The following ANO4 variants were observed in gnomAD, a reference collection of about 807,000 sequenced individuals.
The protein encoded by ANO4 is anoctamin 4.
In ANO4, 69 loss-of-function variants were observed where a neutral mutation model predicts 141.9. The ratio of observed to expected loss-of-function variants is 0.49; its 90% CI spans 0.40 to 0.59. The LOEUF is 0.59. Among genes scored for constraint, ANO4 ranks in the 20% least tolerant of loss-of-function variants. ANO4 has a pLI of 0.00. For missense variants in ANO4, 894 were observed against 1,162.2 expected (o/e 0.77, Z 3.36); for synonymous variants, 350 against 394.3 (o/e 0.89, Z 1.33).
chr12:100,969,247 C>A (rs944533915), intron 5 of ANO4, among the ~76,000 whole-genome samples: 3 of 152,184 alleles, frequency 2.0e-5, no homozygotes, highest in South Asian at 2.1e-4. Flanking sequence ...CCAAAAGATC[C>A]AACTATGAAT....
At chr12:101,062,292 G>A (rs1913731) in intron 14 of ANO4, among the ~76,000 whole-genome samples, 20,826 of 152,238 alleles carry the variant, frequency 0.14, 1,482 homozygotes, top group East Asian at 0.21. Flanking sequence ...AATGCCAGCT[G>A]GAGCTCTCCT....
At chr12:100,751,822 G>C (rs1466179897) in intron 3 of ANO4, among the ~76,000 whole-genome samples, 2 of 152,140 alleles carry the variant, frequency 1.3e-5, no homozygotes, top group Non-Finnish European at 2.9e-5. Context: ...ACACTATTAG[G>C]GGGTGTATAA....
intron 19 of ANO4, 132 bp downstream of exon 19, chr12:101,096,779 C>G: frequency 3.0e-6 from 2 of 658,736 alleles, no homozygotes; most frequent in South Asian, 3.8e-5. Context: ...GCATCCTCCT[C>G]CCTTCTCTTC....
At chr12:100,723,642 A>C (rs1273355280) in intron 1 of ANO4, among the ~76,000 whole-genome samples, 2 of 152,176 alleles carry the variant, frequency 1.3e-5, no homozygotes, top group African/African-American at 2.4e-5. Flanking sequence ...TGAGGAACAC[A>C]CTCATGTATA....
intron 6 of ANO4, among the ~76,000 whole-genome samples, chr12:100,972,568 T>C (rs1341809441): frequency 6.6e-6 from 1 of 152,138 alleles, no homozygotes; most frequent in East Asian, 1.9e-4. Flanking sequence ...AACTCAAGGA[T>C]TAAAAAAAGG....
chr12:100,776,498 T>C lies in ANO4; in HGVS notation c.358+36393T>C, dbSNP rs79934429. 4.6e-3 allele frequency among the ~76,000 whole-genome samples: 696 copies of C among 152,276 alleles called. 2 individuals are homozygous for C. The highest frequency in any genetic ancestry group is 7.1e-3 in the Non-Finnish European group (486 of 68,004). On this transcript the variant is annotated intron_variant, in intron 3 of 29. Transcript: ENST00000644049. Reference sequence around the variant, plus strand: ...TTTACTCTTGTTTCTAGACCTTTCATTGGGGGATACAGGGGCAAGGGCTCT... The same window carrying C: ...TTTACTCTTGTTTCTAGACCTTTCACTGGGGGATACAGGGGCAAGGGCTCT...
chr12:101,079,976 C>T (rs1370679339), intron 15 of ANO4, among the ~76,000 whole-genome samples: 1 of 152,170 alleles, frequency 6.6e-6, no homozygotes. Flanking sequence ...CCCTCTTGGA[C>T]CCTGCTTCCC....
intron 3 of ANO4, among the ~76,000 whole-genome samples, chr12:100,788,455 T>C (rs975637937): frequency 1.2e-4 from 18 of 152,168 alleles, no homozygotes; most frequent in African/African-American, 4.3e-4. Context: ...GGCATATTAT[T>C]TGTAGGTTTT....
intron 5 of ANO4, among the ~76,000 whole-genome samples, chr12:100,964,008 T>G (rs1159357731): frequency 6.6e-6 from 1 of 152,204 alleles, no homozygotes. Flanking sequence ...ATGAATTGAG[T>G]AATGTGCCCA....
intron 2 of ANO4, among the ~76,000 whole-genome samples, chr12:100,914,947 C>T (rs964929262): frequency 5.9e-5 from 9 of 152,106 alleles, no homozygotes; most frequent in Admixed American, 1.3e-4. Flanking sequence ...CCCAAGTAGA[C>T]GTGATTACAG....
At chr12:101,111,873 T>C (rs1321511394) in intron 24 of ANO4, among the ~76,000 whole-genome samples, 163 bp downstream of exon 24, 3 of 152,100 alleles carry the variant, frequency 2.0e-5, no homozygotes, top group Non-Finnish European at 4.4e-5. Flanking sequence ...ATAATAATAA[T>C]AACACTGTCA....
chr12:100,772,231 C>T (rs918313392), intron 3 of ANO4, among the ~76,000 whole-genome samples: 2 of 152,174 alleles, frequency 1.3e-5, no homozygotes, highest in Non-Finnish European at 2.9e-5. Context: ...CTACAGCTGT[C>T]TTCAGATATG....
At position 101,120,627 on chromosome 12, in the gene ANO4, T is replaced by TTTGATAA; in HGVS notation, c.2676+2_2676+3insTTGATAA. 1 of 1,611,920 alleles carries TTTGATAA rather than the reference T, an allele frequency of 6.2e-7. No individual in the cohort carries two copies. Among genetic ancestry groups the TTTGATAA allele is most frequent in the Non-Finnish European group, 8.5e-7 (1 of 1,178,078 alleles). ...TTAGCTTTTATCATTGTCTTTGAGG[T>TTTGATAA]AAGTTTCCTCAGCCAAATTCTTTAT... On this transcript the variant is annotated splice_region_variant and intron_variant, in intron 26 of 27. Coordinates refer to ENST00000392977, the MANE Select transcript of ANO4 (RefSeq NM_001286615.2).
chr12:100,739,150 A>C (rs1054508879), intron 2 of ANO4, among the ~76,000 whole-genome samples: 1 of 148,692 alleles, frequency 6.7e-6, no homozygotes. Flanking sequence ...TATAATTTAT[A>C]TATATATAAA....
chr12:100,732,822 G>A (rs1480129330), intron 1 of ANO4, among the ~76,000 whole-genome samples: 1 of 152,164 alleles, frequency 6.6e-6, no homozygotes, highest in Non-Finnish European at 1.5e-5. Context: ...ATGTAAGGGT[G>A]GCACCTACCT....
chr12:100,812,388 A>G (rs1268764417), intron 1 of ANO4, among the ~76,000 whole-genome samples: 2 of 152,188 alleles, frequency 1.3e-5, no homozygotes, highest in Non-Finnish European at 2.9e-5. Context: ...GCAATATTTT[A>G]TAGGGAAGTA....
intron 3 of ANO4, among the ~76,000 whole-genome samples, chr12:100,762,817 G>A (rs117961368): frequency 1.3e-5 from 2 of 152,176 alleles, no homozygotes; most frequent in South Asian, 4.1e-4. Context: ...CCACTAGAAT[G>A]CAGTTTCCAT....
chr12:101,108,619 T>C (rs1251447074), intron 22 of ANO4, among the ~76,000 whole-genome samples: 1 of 152,178 alleles, frequency 6.6e-6, no homozygotes. Context: ...CTTTCTAAAA[T>C]AAAGTTTGTA....
intron 14 of ANO4, chr12:101,066,929 A>T: frequency 1.3e-6 from 1 of 790,522 alleles, no homozygotes; most frequent in Non-Finnish European, 2.3e-6. Flanking sequence ...GTTTTCTGTT[A>T]CAAGGCAACA....
Sources: gnomAD v4.1 joint callset for allele counts (sites outside exome capture counted in the v4.1 genomes callset) on GRCh38, gnomAD v4.1.1 for gene constraint, MANE v1.5 for transcripts, NCBI Gene and HGNC (gene_info 2026-07-23, HGNC 2026-07-21) for gene names.